JMJD8: variants seen among roughly 807,000 people sequenced by gnomAD.
JMJD8 encodes the protein jumonji domain containing 8.
Under a neutral mutation model 37.6 loss-of-function variants are expected in JMJD8, and 56 were observed. That is an observed-to-expected ratio of 1.49 (90% CI 1.20 to 1.86). The LOEUF (loss-of-function observed/expected upper bound fraction) is 1.86, where lower values mean the gene tolerates loss of function less well. Ranked by LOEUF, JMJD8 falls within the 40% of genes most tolerant of loss-of-function variation. The probability of loss-of-function intolerance (pLI) is 0.00; values close to 1 mark genes in which losing one functional copy is unlikely to be tolerated. For missense variants in JMJD8, 542 were observed against 362.7 expected, an observed-to-expected ratio of 1.49 and a Z score of -4.01; for synonymous variants, 261 against 163.7, an observed-to-expected ratio of 1.59 and a Z score of -4.54.
Position 682,123 on chromosome 16 carries a change from G to T in JMJD8, c.*671C>A. ...CCGATGGCTGGCAGGTGCTCGTGCA[G>T]TGCCCCTTTTCAGCCTCTGACCGTG... On this transcript the variant is annotated 3_prime_UTR_variant, in exon 9 of 9. Transcript: ENST00000609261. 1 of 1,589,002 alleles carries T rather than the reference G, an allele frequency of 6.3e-7. No homozygotes were observed. Among genetic ancestry groups the T allele is most frequent in the South Asian group, 1.1e-5 (1 of 89,350 alleles).
Position 684,052 on chromosome 16 carries a change from AG to A in JMJD8, c.176+13del. 1 of 1,578,920 alleles carries A rather than the reference AG, an allele frequency of 6.3e-7. No homozygotes were observed. The highest frequency in any genetic ancestry group is 8.5e-7 in the Non-Finnish European group (1 of 1,170,868). On this transcript the variant is annotated intron_variant, in intron 2 of 8. Transcript: ENST00000609261. ...TGAACAGGACGCGACCTCCGCGATC[AG>A]GGGCGCACGTACTGCTGCACGAACT...
chr16:684,028 G>A (rs1283877984), intron 2 of JMJD8, 38 bp downstream of exon 2: 6 of 1,571,916 alleles, frequency 3.8e-6, no homozygotes, highest in East Asian at 2.3e-5. Context: ...ACGGGCCGGT[G>A]AACAGGACGC....
rs368780884 is a variant in JMJD8 at position 683,354 on chromosome 16, C to G, written c.479G>C (p.Gly160Ala). ...HYSPPPFGLL[G>A]TAPAYSFGIA... ...TCCAAAGCTGTAAGCTGGAGCGGTTCCCAGCAGGCCAAATGGGGGTGGGGA... is the reference window on the plus strand; with the variant it reads ...TCCAAAGCTGTAAGCTGGAGCGGTTGCCAGCAGGCCAAATGGGGGTGGGGA... Residue 160 changes from glycine (G) to alanine (A), a missense_variant, in exon 6 of 9, where the codon GGA becomes GCA. Gly to Ala is a moderately conservative substitution (Grantham distance 60). Transcript: ENST00000609261. 2.0e-5 allele frequency: 31 copies of G among 1,566,328 alleles called. No individual in the cohort carries two copies. In the African/African-American group the frequency reaches 3.7e-4, roughly 19 times the overall value.
At position 682,692 on chromosome 16, in the gene JMJD8, G is replaced by C; in HGVS notation, c.*102C>G. The C allele has an allele frequency of 6.9e-7, 1 of 1,457,714 alleles. No homozygotes were observed. The highest frequency in any genetic ancestry group is 2.4e-5 in the East Asian group (1 of 42,126). The allele number at this position is 1,457,714 out of a possible 1,614,324, so 90.3% of individuals were successfully genotyped here. On this transcript the variant is annotated 3_prime_UTR_variant, in exon 9 of 9. Coordinates refer to ENST00000609261, the MANE Select transcript of JMJD8 (RefSeq NM_001005920.4). The stretch of plus-strand genomic sequence containing the variant: ...TGGGCTGGAAAAGCAGGTGAGGGTG[G>C]GCTGGGCTGAGGCCATTGCCGCCAC...
chr16:682,441 G>A lies in JMJD8; in HGVS notation c.*353C>T, dbSNP rs756051784. 4.3e-6 allele frequency: 7 copies of A among 1,613,354 alleles called. No individual in the cohort carries two copies. Among genetic ancestry groups the A allele is most frequent in the African/African-American group, 4.0e-5 (3 of 74,932 alleles). Reference sequence around the variant, plus strand: ...TCATCCCCAACTTGGCTATGAAGGAGGTTATTGACGCATTCATCTCTGAGA... The same window carrying A: ...TCATCCCCAACTTGGCTATGAAGGAAGTTATTGACGCATTCATCTCTGAGA... On this transcript the variant is annotated 3_prime_UTR_variant, in exon 9 of 9. Transcript: ENST00000609261.
Position 682,454 on chromosome 16 carries a change from T to C in JMJD8, c.*340A>G. 1.2e-6 allele frequency: 2 copies of C among 1,613,482 alleles called. No homozygotes were observed. The highest frequency in any genetic ancestry group is 8.5e-7 in the Non-Finnish European group (1 of 1,180,010). On this transcript the variant is annotated 3_prime_UTR_variant, in exon 9 of 9. Transcript: ENST00000609261. ...GGCTATGAAGGAGGTTATTGACGCA[T>C]TCATCTCTGAGAATGGCTGGGTGGA... is the stretch of plus-strand genomic sequence containing the variant.
Position 683,203 on chromosome 16 carries a change from A to C in JMJD8, c.543T>G (p.His181Gln). 3.7e-6 allele frequency: 6 copies of C among 1,613,184 alleles called. No homozygotes were observed. The highest frequency in any genetic ancestry group is 5.1e-6 in the Non-Finnish European group (6 of 1,179,856). Residue 181 changes from histidine to glutamine, a missense_variant, in exon 7 of 9, where the codon CAT becomes CAG. Coordinates refer to ENST00000609261, the MANE Select transcript of JMJD8 (RefSeq NM_001005920.4). ...AGATCACTTCTGAGTACCCGGGTCC[A>C]TGCCAGTGGAAGGGCACCCCCGAGC... is the stretch of plus-strand genomic sequence containing the variant. ...GAGSGVPFHW[H>Q]GPGYSEVIYG...
chr16:681,767 C>T lies in JMJD8; in HGVS notation c.*1027G>A, dbSNP rs999997924. The T allele has an allele frequency of 9.5e-6, 15 of 1,577,792 alleles. No homozygotes were observed. Among genetic ancestry groups the T allele is most frequent in the African/African-American group, 1.3e-5 (1 of 74,456 alleles). ...GTCAGACATCTGGCCAGGTCCATCT[C>T]TGACCGGCTCCTGGTCAACCCCCAG... On this transcript the variant is annotated 3_prime_UTR_variant, in exon 9 of 9. Transcript: ENST00000609261.
chr16:683,801 A>T lies in JMJD8; in HGVS notation c.226-20T>A. On this transcript the variant is annotated intron_variant, in intron 3 of 8. Transcript: ENST00000609261. ...GAACCTCTGCGGGGGCGGGGAGGGG[A>T]CTTAGTGGCCGGGCCCAGCACGGGC... The T allele has an allele frequency of 6.3e-7, 1 of 1,593,730 alleles. No homozygotes were observed. The highest frequency in any genetic ancestry group is 8.5e-7 in the Non-Finnish European group (1 of 1,171,284).
In JMJD8 at chr16:682,497, T is replaced by C. The variant is rs1433183550; in HGVS notation, c.*297A>G. ...TGGGTGGAGGACTACTGAGGTTCCC[T>C]GCCCTACCTGGCGTCCTGGTCCAGG... On this transcript the variant is annotated 3_prime_UTR_variant, in exon 9 of 9. Transcript: ENST00000609261. The C allele has an allele frequency of 1.2e-6, 2 of 1,612,972 alleles. No individual in the cohort carries two copies. Among genetic ancestry groups the C allele is most frequent in the Admixed American group, 3.3e-5 (2 of 60,008 alleles).
In JMJD8 at chr16:683,416, G is replaced by A. The variant is rs2039777446; in HGVS notation, c.417C>T (p.Asn139=). The A allele has an allele frequency of 6.4e-7, 1 of 1,552,622 alleles. No homozygotes were observed. The highest frequency in any genetic ancestry group is 8.7e-7 in the Non-Finnish European group (1 of 1,147,752). ...GNDTLYFFGD[N]NFTEWASLFR... is the part of the protein sequence containing the mutation. ...AGAGAGAGGCCCACTCGGTGAAGTT[G>A]TTGTCCCCGAAGAAGTACAGGGTGT... The change falls in exon 6 of 9, where the codon AAC becomes AAT. Residue 139 remains asparagine (N), a synonymous_variant. Transcript: ENST00000609261.
At position 682,272 on chromosome 16, in the gene JMJD8, G is replaced by GC. The variant is rs780883873; in HGVS notation, c.*521dup. On this transcript the variant is annotated 3_prime_UTR_variant, in exon 9 of 9. Coordinates refer to ENST00000609261, the MANE Select transcript of JMJD8 (RefSeq NM_001005920.4). ...CCTACGACCGCAAGGACATCGAGGA[G>GC]CACCTGCAGGTGAGGCCTGCGGCTG... 1.3e-6 allele frequency: 2 copies of GC among 1,589,012 alleles called. No homozygotes were observed. Among genetic ancestry groups the GC allele is most frequent in the African/African-American group, 3.1e-5 (2 of 63,870 alleles).
rs771123968 is a variant in JMJD8 at position 684,137 on chromosome 16, C to T, written c.105G>A (p.Gly35=). 1 of 1,495,566 alleles carries T rather than the reference C, an allele frequency of 6.7e-7. No individual in the cohort carries two copies. The allele number at this position is 1,495,566 out of a possible 1,614,324, so 92.6% of individuals were successfully genotyped here. A position where few individuals can be genotyped will look rare whatever the true frequency, so the allele number is the denominator to read the frequency against. The part of the protein sequence containing the change: ...GDGGWRPGGP[G]AVAEEERCTV... Reference sequence around the variant, plus strand: ...TGCAGCGCTCCTCCTCCGCCACGGCCCCCGGCCCGCCCGGGCGCCTGCGGG... The same window carrying T: ...TGCAGCGCTCCTCCTCCGCCACGGCTCCCGGCCCGCCCGGGCGCCTGCGGG... Residue 35 remains glycine (G), a synonymous_variant, in exon 2 of 9, where the codon GGG becomes GGA. Coordinates refer to ENST00000609261, the MANE Select transcript of JMJD8 (RefSeq NM_001005920.4).
chr16:683,099 A>T lies in JMJD8; in HGVS notation c.580-12T>A, dbSNP rs1341093349. The T allele has an allele frequency of 1.4e-5, 22 of 1,613,566 alleles. No homozygotes were observed. Among genetic ancestry groups the T allele is most frequent in the Non-Finnish European group, 1.8e-5 (21 of 1,179,856 alleles). On this transcript the variant is annotated splice_polypyrimidine_tract_variant and intron_variant, in intron 7 of 8. Transcript: ENST00000609261. ...TAAAGGAACCAGCGCTGGGGGCATGAGCAGCAGTGTCACCCTTGCCCGTTT... is the reference window on the plus strand; with the variant it reads ...TAAAGGAACCAGCGCTGGGGGCATGTGCAGCAGTGTCACCCTTGCCCGTTT...
At position 682,081 on chromosome 16, in the gene JMJD8, G is replaced by C; in HGVS notation, c.*713C>G. 1 of 1,582,416 alleles carries C rather than the reference G, an allele frequency of 6.3e-7. No individual in the cohort carries two copies. The highest frequency in any genetic ancestry group is 8.6e-7 in the Non-Finnish European group (1 of 1,158,370). On this transcript the variant is annotated 3_prime_UTR_variant, in exon 9 of 9. Transcript: ENST00000609261. ...CAGGTGGATGAGAAGAGGAAGGTGA[G>C]TGTGTGTCGCTTGCTGCCGATGGCT... is the stretch of plus-strand genomic sequence containing the variant.
In JMJD8 at chr16:683,038, T is replaced by C. The variant is rs1308819458; in HGVS notation, c.629A>G (p.Lys210Arg). ...GTCCCGGAGCCAGGCCAGCGTGGTC[T>C]TGTTGGGGTGGAACTCTGGCGTCTT... is the stretch of plus-strand genomic sequence containing the variant. ...PEKTPEFHPN[K>R]TTLAWLRDTY... The change falls in exon 8 of 9, where the codon AAG (lysine) becomes AGG (arginine). Residue 210 changes from lysine (K) to arginine (R), a missense_variant. Physicochemically the swap from Lys to Arg is conservative, Grantham distance 26. Transcript: ENST00000609261. The C allele has an allele frequency of 1.2e-6, 2 of 1,613,486 alleles. No individual in the cohort carries two copies. Among genetic ancestry groups the C allele is most frequent in the Admixed American group, 1.7e-5 (1 of 60,020 alleles).
At position 682,840 on chromosome 16, in the gene JMJD8, G is replaced by GT; in HGVS notation, c.748dup (p.Thr250AsnfsTer5). The GT allele has an allele frequency of 6.2e-7, 1 of 1,613,068 alleles. No homozygotes were observed. The highest frequency in any genetic ancestry group is 8.5e-7 in the Non-Finnish European group (1 of 1,179,878). On this transcript the variant is annotated frameshift_variant, in exon 9 of 9. Transcript: ENST00000609261. LOFTEE classifies it high-confidence loss of function. ...GAAGACGCTGGTGTCAAGGTTGAGC[G>GT]TAGCATGCCACCAGCGGTCGGGGAA...
chr16:683,153 C>T lies in JMJD8; in HGVS notation c.579+14G>A, dbSNP rs779157991. 3 of 1,613,490 alleles carry T rather than the reference C, an allele frequency of 1.9e-6. No individual in the cohort carries two copies. The highest frequency in any genetic ancestry group is 1.7e-5 in the Admixed American group (1 of 60,018). Reference sequence around the variant, plus strand: ...TCAGCGAGTCCCAAGCCTCAACCCCCACCCCGTGCTGACCTTACGACCGTA... The same window carrying T: ...TCAGCGAGTCCCAAGCCTCAACCCCTACCCCGTGCTGACCTTACGACCGTA... On this transcript the variant is annotated intron_variant, in intron 7 of 8. Coordinates refer to ENST00000609261, the MANE Select transcript of JMJD8 (RefSeq NM_001005920.4).
chr16:683,234 C>T lies in JMJD8; in HGVS notation c.512G>A (p.Gly171Glu), dbSNP rs754770552. The T allele has an allele frequency of 5.6e-6, 9 of 1,613,142 alleles. No homozygotes were observed. Among genetic ancestry groups the T allele is most frequent in the Non-Finnish European group, 7.6e-6 (9 of 1,179,874 alleles). ...GTGGAAGGGCACCCCCGAGCCAGCT[C>T]CTGTGGGGTTATGAGCACCTGGTGA... ...TAPAYSFGIA[G>E]AGSGVPFHWH... The change falls in exon 7 of 9, where the codon GGA becomes GAA. Residue 171 changes from glycine to glutamate, a missense_variant and splice_region_variant. Coordinates refer to ENST00000609261, the MANE Select transcript of JMJD8 (RefSeq NM_001005920.4).
Sources: allele counts gnomAD v4.1 joint callset, GRCh38; gene constraint gnomAD v4.1.1; transcripts MANE v1.5; gene names NCBI Gene and HGNC (gene_info 2026-07-23, HGNC 2026-07-21).